Variants in LPP observed in about 807,000 individuals in gnomAD.
The protein encoded by LPP is lipoma-preferred partner.
In LPP, 38 loss-of-function variants were observed where a neutral mutation model predicts 60.4. That is an observed-to-expected ratio of 0.63 (90% CI 0.49 to 0.83). The LOEUF (loss-of-function observed/expected upper bound fraction) is 0.83, where lower values mean the gene tolerates loss of function less well. Ranked by LOEUF, LPP falls within the 40% of genes least tolerant of loss-of-function variation. LPP has a pLI of 0.00. For missense variants in LPP, 902 were observed against 783.6 expected, an observed-to-expected ratio of 1.15 and a Z score of -1.80; for synonymous variants, 328 against 290.8, an observed-to-expected ratio of 1.13 and a Z score of -1.30.
chr3:188,422,913 T>TTGTGTGTGTGTGTGTG (rs10689970), intron 4 of LPP, among the ~76,000 whole-genome samples: 6 of 133,806 alleles, frequency 4.5e-5, no homozygotes, highest in Admixed American at 7.5e-5. Flanking sequence ...GGTGTCTTCT[T>TTGTGTGTGTGTGTGTG]TGTGTGTGTG....
chr3:188,618,608 G>A (rs1026847439), intron 7 of LPP, among the ~76,000 whole-genome samples: 5 of 152,138 alleles, frequency 3.3e-5, no homozygotes, highest in East Asian at 1.9e-4. Flanking sequence ...TTCCTTTGGC[G>A]CAGAGTTTAG....
chr3:188,831,482 T>G (rs1757121343), intron 9 of LPP, among the ~76,000 whole-genome samples: 1 of 152,084 alleles, frequency 6.6e-6, no homozygotes, highest in African/African-American at 2.4e-5. Context: ...AAGTGACATT[T>G]TTGGTCTCTA....
At chr3:188,553,067 A>T (rs1828585635) in intron 6 of LPP, among the ~76,000 whole-genome samples, 3 of 152,138 alleles carry the variant, frequency 2.0e-5, no homozygotes, top group Admixed American at 2.0e-4. Context: ...GGCCATAGAG[A>T]GCTATTCAAT....
intron 1 of LPP, among the ~76,000 whole-genome samples, chr3:188,200,318 C>T (rs1374814092): frequency 2.0e-5 from 3 of 149,432 alleles, no homozygotes; most frequent in South Asian, 2.1e-4. Context: ...GGTGCGATCG[C>T]GGCTCACCGC....
intron 2 of LPP, among the ~76,000 whole-genome samples, chr3:188,336,563 G>T (rs991050254): frequency 1.1e-4 from 16 of 152,302 alleles, no homozygotes; most frequent in Admixed American, 9.2e-4. Context: ...GGACTCAGCA[G>T]TACCTTAGAC....
At chr3:188,403,002 C>G (rs1553888002) in intron 3 of LPP, among the ~76,000 whole-genome samples, 1 of 152,090 alleles carries the variant, frequency 6.6e-6, no homozygotes, top group Non-Finnish European at 1.5e-5. Context: ...ATCATGAAAA[C>G]TTATTATAAA....
At chr3:188,175,192 TCTC>T (rs1722730054) in intron 1 of LPP, among the ~76,000 whole-genome samples, 1 of 152,148 alleles carries the variant, frequency 6.6e-6, no homozygotes, top group Non-Finnish European at 1.5e-5. Context: ...TTCAGGCGAT[TCTC>T]CTACCTCAGC....
chr3:188,487,206 A>G (rs1433588635), intron 5 of LPP, among the ~76,000 whole-genome samples: 1 of 152,198 alleles, frequency 6.6e-6, no homozygotes, highest in Non-Finnish European at 1.5e-5. Context: ...AAACAAATAT[A>G]TATACCTCTT....
chr3:188,652,730 G>A (rs1328775060), intron 7 of LPP, among the ~76,000 whole-genome samples: 1 of 152,080 alleles, frequency 6.6e-6, no homozygotes, highest in Non-Finnish European at 1.5e-5. Flanking sequence ...CCTTGATGAA[G>A]CCTTTAAGAA....
chr3:188,692,527 T>C (rs1194932738), intron 7 of LPP, among the ~76,000 whole-genome samples: 1 of 152,206 alleles, frequency 6.6e-6, no homozygotes, highest in African/African-American at 2.4e-5. Flanking sequence ...CCACCTTTTC[T>C]TGAGAATGTC....
intron 9 of LPP, among the ~76,000 whole-genome samples, chr3:188,809,989 G>A (rs1305514168): frequency 6.6e-6 from 1 of 152,136 alleles, no homozygotes; most frequent in Non-Finnish European, 1.5e-5. Flanking sequence ...TCAGATGGTT[G>A]TAGATGTGTG....
At chr3:188,274,197 A>G (rs1391364148) in intron 2 of LPP, among the ~76,000 whole-genome samples, 2 of 152,140 alleles carry the variant, frequency 1.3e-5, no homozygotes, top group Non-Finnish European at 2.9e-5. Flanking sequence ...GGAGAAGCTC[A>G]TTCTGTATTC....
chr3:188,167,732 A>G (rs1478369219), intron 1 of LPP, among the ~76,000 whole-genome samples: 1 of 152,094 alleles, frequency 6.6e-6, no homozygotes, highest in Non-Finnish European at 1.5e-5. Context: ...GTTCTTTCAG[A>G]GAAGAATTAT....
At chr3:188,333,675 T>C (rs996135030) in intron 2 of LPP, among the ~76,000 whole-genome samples, 4 of 152,238 alleles carry the variant, frequency 2.6e-5, no homozygotes, top group African/African-American at 9.6e-5. Context: ...GCAAGCACTA[T>C]ATGCTCAATG....
intron 4 of LPP, among the ~76,000 whole-genome samples, chr3:188,427,276 T>C (rs1371370236): frequency 1.3e-5 from 2 of 152,238 alleles, no homozygotes; most frequent in East Asian, 3.9e-4. Flanking sequence ...TGTTGAATAT[T>C]GGCCCCCATT....
chr3:188,582,762 A>G (rs976574795), intron 6 of LPP, among the ~76,000 whole-genome samples: 1 of 152,110 alleles, frequency 6.6e-6, no homozygotes, highest in South Asian at 2.1e-4. Flanking sequence ...TTCCACTCCA[A>G]TGTTGTTCGG....
chr3:188,224,680 G>A (rs1717072039), intron 1 of LPP, among the ~76,000 whole-genome samples: 1 of 152,144 alleles, frequency 6.6e-6, no homozygotes, highest in Admixed American at 6.5e-5. Flanking sequence ...CAAAGGAGGA[G>A]CAGGTGTCTC....
chr3:188,565,392 C>T lies in LPP; in HGVS notation c.429+40605C>T, dbSNP rs140282657. 7.6e-4 allele frequency among the ~76,000 whole-genome samples: 116 copies of T among 152,082 alleles called. 1 individual carries two copies. Among genetic ancestry groups the T allele is most frequent in the African/African-American group, 2.6e-3 (107 of 41,534 alleles). ...ACAAGTTGTGGACCTTAGAGATCCG[C>T]TCCTCTCACTTTCTGACTGCCTCTT... On this transcript the variant is annotated intron_variant, in intron 6 of 11. Transcript: ENST00000617246.
At chr3:188,619,097 T>C (rs959175970) in intron 7 of LPP, among the ~76,000 whole-genome samples, 1 of 152,206 alleles carries the variant, frequency 6.6e-6, no homozygotes, top group African/African-American at 2.4e-5. Context: ...CAATCTGGGC[T>C]CACTGCAACC....
Sources: gnomAD v4.1 joint callset for allele counts (sites outside exome capture counted in the v4.1 genomes callset) on GRCh38, gnomAD v4.1.1 for gene constraint, MANE v1.5 for transcripts, NCBI Gene and HGNC (gene_info 2026-07-23, HGNC 2026-07-21) for gene names.